The following SAMMSON variants were observed in gnomAD, a reference collection of about 807,000 sequenced individuals.
SAMMSON encodes the protein survival associated mitochondrial melanoma specific oncogenic non-coding RNA.
chr3:70,047,108 T>TGTTAAC (rs2067129630), intron 3 of SAMMSON, among the ~76,000 whole-genome samples: 10 of 152,132 alleles, frequency 6.6e-5, no homozygotes, highest in African/African-American at 1.9e-4. Context: ...CACAGAAAGA[T>TGTTAAC]AAAGAATGTT....
intron 3 of SAMMSON, among the ~76,000 whole-genome samples, chr3:70,047,315 T>C (rs1353637490): frequency 6.6e-6 from 1 of 151,554 alleles, no homozygotes; most frequent in Non-Finnish European, 1.5e-5. Context: ...TATTATTATA[T>C]AATTTCTCTC....
At chr3:70,142,516 T>C (rs1270259066) in intron 4 of SAMMSON, among the ~76,000 whole-genome samples, 1 of 151,912 alleles carries the variant, frequency 6.6e-6, no homozygotes, top group Admixed American at 6.6e-5. Context: ...AATGACACAA[T>C]GGACTTTGGG....
chr3:70,267,578 A>AC (rs1701930079), intron 6 of SAMMSON, among the ~76,000 whole-genome samples: 1 of 132,806 alleles, frequency 7.5e-6, no homozygotes, highest in Non-Finnish European at 1.5e-5. Flanking sequence ...AATTTTTTGT[A>AC]TTTTTTTTTT....
At chr3:70,197,015 C>T (rs368376247) in intron 4 of SAMMSON, 7 of 398,582 alleles carry the variant, frequency 1.8e-5, no homozygotes, top group East Asian at 3.6e-5. Flanking sequence ...CAGTCCATGT[C>T]ACAATTGCAG....
chr3:70,069,339 G>A (rs545919915), intron 3 of SAMMSON: 1 of 152,134 alleles, frequency 6.6e-6, no homozygotes, highest in African/African-American at 2.4e-5. Context: ...CATCTACTTT[G>A]TGCCTACACT....
chr3:70,257,634 A>C (rs1451738897), intron 6 of SAMMSON, among the ~76,000 whole-genome samples: 1 of 152,212 alleles, frequency 6.6e-6, no homozygotes, highest in African/African-American at 2.4e-5. Flanking sequence ...ACTAAAAGCT[A>C]TGAAACATTG....
At chr3:70,017,770 T>C (rs1005810113) in intron 3 of SAMMSON, among the ~76,000 whole-genome samples, 5 of 152,190 alleles carry the variant, frequency 3.3e-5, no homozygotes, top group African/African-American at 9.7e-5. Flanking sequence ...CAATACCTAA[T>C]TTATTGATAG....
At chr3:70,378,773 A>G (rs1431665009) in intron 9 of SAMMSON, among the ~76,000 whole-genome samples, 1 of 152,058 alleles carries the variant, frequency 6.6e-6, no homozygotes, top group Non-Finnish European at 1.5e-5. Flanking sequence ...TGACATACAC[A>G]TAAGATTATT....
At chr3:70,260,270 C>A (rs1475967480) in intron 6 of SAMMSON, among the ~76,000 whole-genome samples, 1 of 152,134 alleles carries the variant, frequency 6.6e-6, no homozygotes, top group Non-Finnish European at 1.5e-5. Flanking sequence ...CATCGTACGG[C>A]ATTTCCCCTG....
chr3:70,303,244 A>G (rs1448093807), intron 7 of SAMMSON, among the ~76,000 whole-genome samples: 4 of 151,982 alleles, frequency 2.6e-5, no homozygotes, highest in Non-Finnish European at 5.9e-5. Context: ...TGATGCTCGA[A>G]CCCTGAATTC....
At chr3:70,255,809 G>A (rs115599816) in intron 6 of SAMMSON, among the ~76,000 whole-genome samples, 4,455 of 152,208 alleles carry the variant, frequency 0.029, 145 homozygotes, top group Admixed American at 0.092. Context: ...TTAGGAATTG[G>A]GAAATGATCA....
At chr3:70,259,358 G>T (rs1701844780) in intron 6 of SAMMSON, among the ~76,000 whole-genome samples, 1 of 151,958 alleles carries the variant, frequency 6.6e-6, no homozygotes, top group Admixed American at 6.6e-5. Flanking sequence ...AAGTGACCTT[G>T]ATAGACAGTG....
intron 9 of SAMMSON, among the ~76,000 whole-genome samples, chr3:70,384,662 A>G (rs144161115): frequency 6.6e-6 from 1 of 152,214 alleles, no homozygotes; most frequent in Non-Finnish European, 1.5e-5. Context: ...TAAACAAAAG[A>G]CACAATATGC....
intron 6 of SAMMSON, among the ~76,000 whole-genome samples, chr3:70,273,957 C>T (rs1254794982): frequency 3.3e-5 from 5 of 151,974 alleles, no homozygotes; most frequent in Non-Finnish European, 5.9e-5. Flanking sequence ...GCACTGCACC[C>T]GGCCCAGAAT....
intron 3 of SAMMSON, among the ~76,000 whole-genome samples, chr3:70,062,962 T>C (rs2067195920): frequency 6.6e-6 from 1 of 152,092 alleles, no homozygotes; most frequent in African/African-American, 2.4e-5. Flanking sequence ...CATCTTCCTT[T>C]ATTTTTGAAA....
intron 4 of SAMMSON, among the ~76,000 whole-genome samples, chr3:70,086,656 G>T (rs2067286432): frequency 6.6e-6 from 1 of 152,168 alleles, no homozygotes; most frequent in African/African-American, 2.4e-5. Context: ...TCTAGAACTG[G>T]CTTCTTTAAA....
chr3:70,318,606 C>G (rs1702512305), intron 7 of SAMMSON, among the ~76,000 whole-genome samples: 1 of 151,926 alleles, frequency 6.6e-6, no homozygotes, highest in Non-Finnish European at 1.5e-5. Context: ...TCTGGCAACT[C>G]CAACATCTGG....
chr3:70,408,066 G>A (rs557824165), intron 2 of SAMMSON, among the ~76,000 whole-genome samples: 5 of 152,346 alleles, frequency 3.3e-5, no homozygotes, highest in African/African-American at 1.2e-4. Context: ...CACGGCCCAA[G>A]CTCTAGGTTG....
At chr3:70,377,847 A>T (rs911417136) in intron 9 of SAMMSON, among the ~76,000 whole-genome samples, 3 of 152,002 alleles carry the variant, frequency 2.0e-5, no homozygotes, top group Non-Finnish European at 4.4e-5. Context: ...CAGGAGAGGA[A>T]ATTCAAAAGG....
Sources: gnomAD v4.1 joint callset for allele counts (sites outside exome capture counted in the v4.1 genomes callset) on GRCh38, gnomAD v4.1.1 for gene constraint, MANE v1.5 for transcripts, NCBI Gene and HGNC (gene_info 2026-07-23, HGNC 2026-07-21) for gene names.